PDE3A: variants seen among roughly 807,000 people sequenced by gnomAD.
PDE3A encodes phosphodiesterase 3A.
In PDE3A, 43 loss-of-function variants were observed where a neutral mutation model predicts 98.3. That is an observed-to-expected ratio of 0.44 (90% CI 0.34 to 0.56). The LOEUF (loss-of-function observed/expected upper bound fraction) is 0.56, where lower values mean the gene tolerates loss of function less well. Ranked by LOEUF, PDE3A falls within the 20% of genes least tolerant of loss-of-function variation. The probability of loss-of-function intolerance (pLI) is 0.01; values close to 1 mark genes in which losing one functional copy is unlikely to be tolerated. For missense variants in PDE3A, 1,427 were observed against 1,440.7 expected (o/e 0.99, Z 0.15); for synonymous variants, 663 against 567.9 (o/e 1.17, Z -2.38).
intron 1 of PDE3A, among the ~76,000 whole-genome samples, chr12:20,457,562 A>C (rs999225498): frequency 1.3e-5 from 2 of 151,776 alleles, no homozygotes; most frequent in African/African-American, 4.8e-5. Context: ...TATACATATA[A>C]ATTATTATAT....
chr12:20,418,706 T>C (rs1281810945), intron 1 of PDE3A, among the ~76,000 whole-genome samples: 1 of 152,180 alleles, frequency 6.6e-6, no homozygotes, highest in African/African-American at 2.4e-5. Flanking sequence ...CTTTCTGAAA[T>C]AAGAGCGTAA....
At chr12:20,478,899 G>A (rs910468978) in intron 1 of PDE3A, among the ~76,000 whole-genome samples, 5 of 152,090 alleles carry the variant, frequency 3.3e-5, no homozygotes, top group Non-Finnish European at 1.5e-5. Flanking sequence ...TAGTTGAAAT[G>A]TCTACCAGCC....
At chr12:20,438,185 A>G (rs1944810753) in intron 1 of PDE3A, among the ~76,000 whole-genome samples, 1 of 152,100 alleles carries the variant, frequency 6.6e-6, no homozygotes, top group Non-Finnish European at 1.5e-5. Flanking sequence ...GCTCTAAGTT[A>G]TAGCTATTTA....
rs1944596458 is a variant in PDE3A at position 20,426,038 on chromosome 12, A to G, written c.960+55794A>G. On this transcript the variant is annotated intron_variant, in intron 1 of 15. Transcript: ENST00000359062. Reference sequence around the variant, plus strand: ...TAGAATAGGGACTGGCACATATTCAATACAAAATAAGTAATAAAATACAGA... The same window carrying G: ...TAGAATAGGGACTGGCACATATTCAGTACAAAATAAGTAATAAAATACAGA... Among the ~76,000 whole-genome samples the G allele has an allele frequency of 2.6e-5, 4 of 152,250 alleles. 1 individual carries two copies. In the South Asian group the frequency reaches 6.2e-4, roughly 24 times the overall value.
At chr12:20,607,424 G>A (rs1943736436) in intron 2 of PDE3A, among the ~76,000 whole-genome samples, 1 of 140,808 alleles carries the variant, frequency 7.1e-6, no homozygotes, top group Admixed American at 7.4e-5. Flanking sequence ...GTGACAGAGT[G>A]AGACTCCGTC....
chr12:20,470,296 T>G (rs939322970), intron 1 of PDE3A, among the ~76,000 whole-genome samples: 2 of 152,176 alleles, frequency 1.3e-5, no homozygotes, highest in Non-Finnish European at 2.9e-5. Flanking sequence ...GTTTTTATTT[T>G]GAATGTTGTT....
rs753740479 is a variant in PDE3A, at chr12:20,633,666, A to G, written c.1761-27A>G. 9.2e-6 allele frequency: 13 copies of G among 1,420,416 alleles called. No homozygotes were observed. The South Asian group carries it at 1.6e-4, about 17-fold the overall frequency. 88.0% of individuals were successfully genotyped at this position (1,420,416 alleles called of 1,614,324 possible). ...TGACTTTTTGAAAAGAGGAGGCTAC[A>G]CCTATAGCTCTTCCAATATTTTTTA... is the stretch of plus-strand genomic sequence containing the variant. On this transcript the variant is annotated intron_variant, in intron 6 of 15. Transcript: ENST00000359062.
intron 1 of PDE3A, 111 bp from the exon 2 acceptor site, chr12:20,556,549 A>AAT (rs1942372987): frequency 1.4e-6 from 1 of 717,472 alleles, no homozygotes; most frequent in African/African-American, 1.8e-5. Flanking sequence ...ATAGCTATTT[A>AAT]ATATATTACT....
chr12:20,470,239 G>A (rs1475526466), intron 1 of PDE3A, among the ~76,000 whole-genome samples: 1 of 152,092 alleles, frequency 6.6e-6, no homozygotes, highest in Non-Finnish European at 1.5e-5. Flanking sequence ...TGTGTTGATG[G>A]ACTTGATGGC....
chr12:20,553,960 C>T (rs1191205399), intron 1 of PDE3A, among the ~76,000 whole-genome samples: 2 of 151,842 alleles, frequency 1.3e-5, no homozygotes, highest in Admixed American at 1.3e-4. Context: ...TTTAACTCAG[C>T]AAGTGAGAAC....
At chr12:20,674,584 T>G (rs1210760372) in intron 15 of PDE3A, among the ~76,000 whole-genome samples, 2 of 152,178 alleles carry the variant, frequency 1.3e-5, no homozygotes, top group African/African-American at 4.8e-5. Flanking sequence ...CACCCAGTAC[T>G]GAACTTTTTA....
intron 1 of PDE3A, among the ~76,000 whole-genome samples, chr12:20,372,520 T>C (rs1019071499): frequency 6.6e-6 from 1 of 152,108 alleles, no homozygotes; most frequent in Non-Finnish European, 1.5e-5. Context: ...TACTATCTTA[T>C]AAGATAGGAC....
intron 1 of PDE3A, among the ~76,000 whole-genome samples, chr12:20,467,933 C>CAAAAAAAAAAAAAAAAAAAAAA (rs60320142): frequency 8.4e-5 from 3 of 35,698 alleles, no homozygotes; most frequent in African/African-American, 1.0e-4. Flanking sequence ...GACTCCTTCT[C>CAAAAAAAAAAAAAAAAAAAAAA]AAAAAAAAAA....
intron 10 of PDE3A, among the ~76,000 whole-genome samples, chr12:20,646,193 T>A (rs1944771338): frequency 6.6e-6 from 1 of 152,166 alleles, no homozygotes; most frequent in Non-Finnish European, 1.5e-5. Flanking sequence ...ACATTACACT[T>A]TTTTCACACA....
intron 6 of PDE3A, among the ~76,000 whole-genome samples, chr12:20,630,631 A>G (rs1376238244): frequency 6.6e-6 from 1 of 152,180 alleles, no homozygotes; most frequent in Non-Finnish European, 1.5e-5. Flanking sequence ...AAGCAATTGT[A>G]TGTGCTATTC....
chr12:20,654,285 A>G, intron 15 of PDE3A, 80 bp downstream of exon 15: 1 of 1,300,966 alleles, frequency 7.7e-7, no homozygotes, highest in South Asian at 1.3e-5. Context: ...CTTCTTATGA[A>G]ATACACAATA....
Position 20,369,774 on chromosome 12 carries a change from C to G in PDE3A, c.490C>G (p.Leu164Val). The change falls in exon 1 of 16, where the codon CTG (leucine) becomes GTG (valine). Residue 164 changes from leucine (L) to valine (V), a missense_variant. This residue lies in a region of PDE3A where 1,012 missense variants were observed against 886.5 expected (regional missense o/e 1.14). Transcript: ENST00000359062. ...GVRLPLAVALLAACCGGEALV... is the reference protein window; with the variant it reads ...GVRLPLAVALVAACCGGEALV... ...GCGCCTGCCTCTGGCTGTCGCGCTG[C>G]TGGCCGCCTGCTGCGGGGGGGAAGC... is the stretch of plus-strand genomic sequence containing the variant. 6.2e-7 allele frequency: 1 copy of G among 1,612,566 alleles called. No homozygotes were observed. The highest frequency in any genetic ancestry group is 8.5e-7 in the Non-Finnish European group (1 of 1,179,738).
intron 1 of PDE3A, among the ~76,000 whole-genome samples, chr12:20,493,577 G>T (rs1945864970): frequency 6.6e-6 from 1 of 151,978 alleles, no homozygotes; most frequent in Non-Finnish European, 1.5e-5. Context: ...ACACACAGAT[G>T]TGCCTCACTT....
intron 4 of PDE3A, 84 bp downstream of exon 4, chr12:20,616,468 C>A: frequency 7.5e-7 from 1 of 1,330,928 alleles, no homozygotes; most frequent in Non-Finnish European, 1.0e-6. Flanking sequence ...AGAAGGAAGG[C>A]TAACCAATTA....
Sources: allele counts gnomAD v4.1 joint callset (sites outside exome capture counted in the v4.1 genomes callset), GRCh38; gene constraint gnomAD v4.1.1; regional missense constraint gnomAD v4.1.1; transcripts MANE v1.5; gene names NCBI Gene and HGNC (gene_info 2026-07-23, HGNC 2026-07-21).